Variants in DLG2 observed in about 807,000 individuals in gnomAD.
DLG2 encodes the protein discs large MAGUK scaffold protein 2, also known as disks large homolog 2.
Under a neutral mutation model 132.5 loss-of-function variants are expected in DLG2, and 45 were observed. The ratio of observed to expected loss-of-function variants is 0.34; its 90% CI spans 0.27 to 0.44. The LOEUF (loss-of-function observed/expected upper bound fraction) is 0.44. Among genes scored for constraint, DLG2 ranks in the 20% least tolerant of loss-of-function variants. The pLI is 1.00. For synonymous variants in DLG2, 424 were observed against 419.6 expected (o/e 1.01, Z -0.13); for missense variants, 1,045 against 1,196.9 (o/e 0.87, Z 1.87).
chr11:85,375,177 A>T (rs1186018797), intron 3 of DLG2, among the ~76,000 whole-genome samples: 1 of 151,948 alleles, frequency 6.6e-6, no homozygotes, highest in African/African-American at 2.4e-5. Flanking sequence ...GGATATAAAC[A>T]TCCTCATTTC....
intron 21 of DLG2, among the ~76,000 whole-genome samples, chr11:83,510,348 G>A (rs1264323427): frequency 3.3e-5 from 5 of 152,072 alleles, no homozygotes; most frequent in South Asian, 2.1e-4. Context: ...GACTCAGAGA[G>A]TAAGAGGTCA....
intron 6 of DLG2, among the ~76,000 whole-genome samples, chr11:84,874,928 G>A (rs866513688): frequency 1.3e-5 from 2 of 151,488 alleles, no homozygotes; most frequent in Non-Finnish European, 2.9e-5. Flanking sequence ...GGCTGAGGCA[G>A]GAGAATTGCT....
chr11:83,625,259 A>G (rs2062314605), intron 19 of DLG2, among the ~76,000 whole-genome samples: 1 of 152,190 alleles, frequency 6.6e-6, no homozygotes, highest in Admixed American at 6.5e-5. Context: ...AACACAGTCC[A>G]CGGATTTTAT....
At chr11:85,578,738 C>A (rs1477663865) in intron 3 of DLG2, among the ~76,000 whole-genome samples, 1 of 152,094 alleles carries the variant, frequency 6.6e-6, no homozygotes, top group Non-Finnish European at 1.5e-5. Context: ...ATAACAGATA[C>A]TAGAAAGGTT....
intron 15 of DLG2, among the ~76,000 whole-genome samples, chr11:83,887,633 A>G (rs2154081940): frequency 6.6e-6 from 1 of 152,158 alleles, no homozygotes; most frequent in Middle Eastern, 3.4e-3. Context: ...AAAGCCAGGC[A>G]GAGACACAAA....
intron 6 of DLG2, among the ~76,000 whole-genome samples, chr11:84,810,232 G>A (rs945478297): frequency 2.0e-5 from 3 of 152,054 alleles, no homozygotes; most frequent in African/African-American, 7.2e-5. Flanking sequence ...ATTTGGTGTT[G>A]AGAATATATA....
At chr11:84,639,253 T>C (rs755850746) in intron 6 of DLG2, among the ~76,000 whole-genome samples, 5 of 152,148 alleles carry the variant, frequency 3.3e-5, no homozygotes, top group African/African-American at 4.8e-5. Context: ...ATTGTTCAAC[T>C]AGCCATACTT....
At chr11:85,030,293 A>G (rs1420463545) in intron 6 of DLG2, among the ~76,000 whole-genome samples, 1 of 152,178 alleles carries the variant, frequency 6.6e-6, no homozygotes, top group Non-Finnish European at 1.5e-5. Context: ...CAGTAAATGG[A>G]GTATATTGAA....
At chr11:85,618,657 T>C (rs2081500895) in intron 2 of DLG2, among the ~76,000 whole-genome samples, 2 of 152,202 alleles carry the variant, frequency 1.3e-5, no homozygotes, top group South Asian at 4.1e-4. Flanking sequence ...CTATGCTCAA[T>C]ACCTAGGTGA....
chr11:83,711,474 C>A (rs995389945), intron 18 of DLG2, among the ~76,000 whole-genome samples: 4 of 152,258 alleles, frequency 2.6e-5, no homozygotes, highest in African/African-American at 9.6e-5. Flanking sequence ...AGGGCAGGCA[C>A]CTCAGTGTAG....
chr11:85,163,206 T>C (rs947701683), intron 4 of DLG2, among the ~76,000 whole-genome samples: 1 of 148,168 alleles, frequency 6.7e-6, no homozygotes. Flanking sequence ...TTATATATAT[T>C]ACACACACAC....
intron 6 of DLG2, among the ~76,000 whole-genome samples, chr11:85,073,842 A>C (rs577260092): frequency 6.6e-6 from 1 of 151,970 alleles, no homozygotes; most frequent in East Asian, 1.9e-4. Flanking sequence ...AAAGACATAC[A>C]ACCTAAATAC....
At chr11:84,198,712 C>A (rs1307494137) in intron 8 of DLG2, among the ~76,000 whole-genome samples, 1 of 152,032 alleles carries the variant, frequency 6.6e-6, no homozygotes, top group African/African-American at 2.4e-5. Flanking sequence ...CCCTTTATCA[C>A]TATTGGGGAG....
At chr11:84,910,219 A>T (rs1237586191) in intron 6 of DLG2, among the ~76,000 whole-genome samples, 1 of 152,196 alleles carries the variant, frequency 6.6e-6, no homozygotes, top group Non-Finnish European at 1.5e-5. Flanking sequence ...CTACTGCTCC[A>T]ATCATTTCTG....
intron 4 of DLG2, among the ~76,000 whole-genome samples, chr11:85,195,561 T>C (rs2080978886): frequency 6.7e-6 from 1 of 150,004 alleles, no homozygotes; most frequent in South Asian, 2.1e-4. Flanking sequence ...TCTCGCTCTG[T>C]GGCCCAGGCG....
At chr11:85,488,883 C>T (rs1401126209) in intron 3 of DLG2, among the ~76,000 whole-genome samples, 1 of 151,974 alleles carries the variant, frequency 6.6e-6, no homozygotes, top group African/African-American at 2.4e-5. Flanking sequence ...AGTGATGGAA[C>T]AACATTCACC....
At chr11:83,984,732 A>G (rs1277316569) in intron 11 of DLG2, among the ~76,000 whole-genome samples, 1 of 152,124 alleles carries the variant, frequency 6.6e-6, no homozygotes, top group Admixed American at 6.6e-5. Context: ...AAATGTAAAT[A>G]GGGTGCACAT....
intron 6 of DLG2, among the ~76,000 whole-genome samples, chr11:84,961,932 C>T (rs963952079): frequency 6.6e-6 from 1 of 152,192 alleles, no homozygotes; most frequent in Non-Finnish European, 1.5e-5. Context: ...CTCCTTAGCC[C>T]CACCCCAGCC....
At chr11:85,412,725 T>TCACACA (rs542505541) in intron 3 of DLG2, among the ~76,000 whole-genome samples, 22,538 of 91,214 alleles carry the variant, frequency 0.25, 3,396 homozygotes, top group Middle Eastern at 0.4. Flanking sequence ...GAGCAGTATT[T>TCACACA]CACACACACA....
Sources: gnomAD v4.1 joint callset for allele counts (sites outside exome capture counted in the v4.1 genomes callset) on GRCh38, gnomAD v4.1.1 for gene constraint, MANE v1.5 for transcripts, NCBI Gene and HGNC (gene_info 2026-07-23, HGNC 2026-07-21) for gene names.